PTPRT: variants seen among roughly 807,000 people sequenced by gnomAD.
PTPRT encodes the protein protein tyrosine phosphatase receptor type T.
A neutral mutation model predicts 176.8 loss-of-function variants in PTPRT; 56 were observed. The ratio of observed to expected loss-of-function variants is 0.32; its 90% CI spans 0.26 to 0.40. The LOEUF (loss-of-function observed/expected upper bound fraction) is 0.40, where lower values mean the gene tolerates loss of function less well. Ranked by LOEUF, PTPRT falls within the 10% of genes least tolerant of loss-of-function variation. The pLI is 1.00. For synonymous variants in PTPRT, 783 were observed against 739.0 expected (o/e 1.06, Z -0.96); for missense variants, 1,540 against 1,908.2 (o/e 0.81, Z 3.60).
intron 16 of PTPRT, among the ~76,000 whole-genome samples, chr20:42,191,023 T>G (rs755563413): frequency 3.0e-4 from 46 of 152,294 alleles, no homozygotes; most frequent in Admixed American, 7.8e-4. Context: ...ATAAGAATGC[T>G]TATACAATAT....
At chr20:43,022,295 G>C (rs1010892636) in intron 1 of PTPRT, among the ~76,000 whole-genome samples, 6 of 152,094 alleles carry the variant, frequency 3.9e-5, no homozygotes, top group Non-Finnish European at 8.8e-5. Flanking sequence ...AGAACGCCCT[G>C]GATTGCTGGC....
chr20:42,059,026 AG>A, the PTPRT span, among the ~76,000 whole-genome samples: 1 of 152,160 alleles, frequency 6.6e-6, no homozygotes, highest in Non-Finnish European at 1.5e-5. Context: ...GCATCTCTAG[AG>A]GGGGCCTAGG....
At position 42,085,824 on chromosome 20, in the gene PTPRT, G is replaced by A; in HGVS notation, c.3876C>T (p.Thr1292=). Residue 1292 remains threonine, a synonymous_variant, in exon 28 of 31, where the codon ACC becomes ACT. Coordinates refer to ENST00000373187, the MANE Select transcript of PTPRT (RefSeq NM_007050.6). ...CCTGGATGGGCCCATAGCACCCGGA[G>A]GTCTTCTCAGGCCAGTACTGCATAC... The part of the protein sequence containing the change: ...QFCMQYWPEK[T]SGCYGPIQVE... The A allele has an allele frequency of 6.2e-7, 1 of 1,613,482 alleles. No homozygotes were observed. The highest frequency in any genetic ancestry group is 8.5e-7 in the Non-Finnish European group (1 of 1,179,358).
chr20:42,371,111 T>C (rs541197860), intron 9 of PTPRT, among the ~76,000 whole-genome samples: 3 of 152,336 alleles, frequency 2.0e-5, no homozygotes, highest in South Asian at 2.1e-4. Context: ...TGCAGGAGCA[T>C]TGTTCACACT....
intron 16 of PTPRT, among the ~76,000 whole-genome samples, chr20:42,184,994 C>G (rs1274593125): frequency 6.6e-6 from 1 of 151,950 alleles, no homozygotes; most frequent in Non-Finnish European, 1.5e-5. Context: ...ATTTGATATC[C>G]TATCAACTCA....
At chr20:42,539,154 A>T (rs1188335873) in intron 7 of PTPRT, among the ~76,000 whole-genome samples, 1 of 152,140 alleles carries the variant, frequency 6.6e-6, no homozygotes, top group Non-Finnish European at 1.5e-5. Flanking sequence ...GGTATTCAGT[A>T]AGACTCAGTA....
chr20:42,935,960 C>T (rs1980160848), intron 1 of PTPRT, among the ~76,000 whole-genome samples: 1 of 152,192 alleles, frequency 6.6e-6, no homozygotes, highest in Non-Finnish European at 1.5e-5. Flanking sequence ...GTTGGTCAGG[C>T]TGGTCTCGAA....
intron 12 of PTPRT, among the ~76,000 whole-genome samples, chr20:42,296,678 A>G (rs1309655748): frequency 6.6e-6 from 1 of 152,222 alleles, no homozygotes; most frequent in Non-Finnish European, 1.5e-5. Context: ...ACTGAAATGT[A>G]GAAGATATTC....
chr20:43,181,622 G>C (rs1052789312), intron 1 of PTPRT, among the ~76,000 whole-genome samples: 1 of 152,104 alleles, frequency 6.6e-6, no homozygotes, highest in African/African-American at 2.4e-5. Context: ...AAATCAAAGA[G>C]ATAAACAATC....
At chr20:43,100,834 GA>G (rs1274309978) in intron 1 of PTPRT, among the ~76,000 whole-genome samples, 1 of 151,030 alleles carries the variant, frequency 6.6e-6, no homozygotes, top group African/African-American at 2.5e-5. Flanking sequence ...ACGTTATGAA[GA>G]TGACATTTCC....
At chr20:42,621,535 G>A (rs529355670) in intron 7 of PTPRT, among the ~76,000 whole-genome samples, 108 of 152,294 alleles carry the variant, frequency 7.1e-4, no homozygotes, top group Admixed American at 2.2e-3. Flanking sequence ...TTAAGGGGCC[G>A]CTTGGCAAGC....
chr20:42,165,243 A>G (rs1287225044), intron 16 of PTPRT, among the ~76,000 whole-genome samples: 1 of 152,056 alleles, frequency 6.6e-6, no homozygotes, highest in Admixed American at 6.5e-5. Context: ...ACATATTTCC[A>G]TCACTTACTG....
chr20:42,806,291 C>T (rs934466230), intron 2 of PTPRT, among the ~76,000 whole-genome samples: 7 of 152,042 alleles, frequency 4.6e-5, no homozygotes, highest in Admixed American at 3.3e-4. Context: ...CAAGACTATC[C>T]TGGCCAACGT....
chr20:42,865,716 G>A (rs767727382), intron 2 of PTPRT, among the ~76,000 whole-genome samples: 45 of 152,152 alleles, frequency 3.0e-4, no homozygotes, highest in Non-Finnish European at 5.9e-4. Context: ...AAGTACAGCA[G>A]GTAGAGGAAG....
chr20:43,101,682 T>TGG (rs1158196984), intron 1 of PTPRT, among the ~76,000 whole-genome samples: 2 of 152,050 alleles, frequency 1.3e-5, no homozygotes, highest in African/African-American at 4.8e-5. Flanking sequence ...TTACAAGTAG[T>TGG]GGGAGGGAGA....
At chr20:42,682,527 C>T (rs925264552) in intron 6 of PTPRT, among the ~76,000 whole-genome samples, 3 of 152,218 alleles carry the variant, frequency 2.0e-5, no homozygotes, top group Admixed American at 2.0e-4. Flanking sequence ...TAACAGACTC[C>T]ACACCATCAT....
At chr20:42,435,810 T>A (rs767437004) in intron 9 of PTPRT, among the ~76,000 whole-genome samples, 8 of 152,174 alleles carry the variant, frequency 5.3e-5, no homozygotes, top group Admixed American at 2.0e-4. Flanking sequence ...AGGGCAAGAA[T>A]AACCAAGATA....
At chr20:42,966,735 A>C (rs2146051778) in intron 1 of PTPRT, among the ~76,000 whole-genome samples, 1 of 152,340 alleles carries the variant, frequency 6.6e-6, no homozygotes. Context: ...AACAAGGAGG[A>C]AAAACAAAAA....
intron 1 of PTPRT, among the ~76,000 whole-genome samples, chr20:42,963,620 TA>T (rs1982130530): frequency 6.6e-6 from 1 of 151,938 alleles, no homozygotes; most frequent in African/African-American, 2.4e-5. Context: ...GACATAACTT[TA>T]AATAATAATT....
Sources: gnomAD v4.1 joint callset for allele counts (sites outside exome capture counted in the v4.1 genomes callset) on GRCh38, gnomAD v4.1.1 for gene constraint, MANE v1.5 for transcripts, NCBI Gene and HGNC (gene_info 2026-07-23, HGNC 2026-07-21) for gene names.